Variants in TPST1 observed in about 807,000 individuals in gnomAD.
TPST1 encodes the protein tyrosylprotein sulfotransferase 1, also known as protein-tyrosine sulfotransferase 1.
Under a neutral mutation model 34.8 loss-of-function variants are expected in TPST1, and 20 were observed. The observed-to-expected ratio is 0.57, with a 90% CI of 0.40 to 0.84. The LOEUF is 0.84. Ranked by LOEUF, TPST1 falls within the 40% of genes least tolerant of loss-of-function variation. The probability of loss-of-function intolerance (pLI) is 0.00; values close to 1 mark genes in which losing one functional copy is unlikely to be tolerated. For synonymous variants in TPST1, 152 were observed against 159.4 expected (o/e 0.95, Z 0.35); for missense variants, 353 against 455.5 (o/e 0.78, Z 2.05).
intron 3 of TPST1, among the ~76,000 whole-genome samples, chr7:66,325,491 C>T (rs1159718767): frequency 6.6e-6 from 1 of 151,446 alleles, no homozygotes; most frequent in African/African-American, 2.4e-5. Flanking sequence ...TTTAAGTTTC[C>T]CCCCTCCCCC....
chr7:66,302,670 AG>A (rs1791341996), intron 3 of TPST1, among the ~76,000 whole-genome samples: 1 of 152,184 alleles, frequency 6.6e-6, no homozygotes, highest in South Asian at 2.1e-4. Flanking sequence ...AGCTAGAAAC[AG>A]GCTTTTGTTT....
chr7:66,329,571 A>G (rs1395506154), intron 3 of TPST1, among the ~76,000 whole-genome samples: 1 of 152,214 alleles, frequency 6.6e-6, no homozygotes, highest in Non-Finnish European at 1.5e-5. Context: ...TGAGGGCTAT[A>G]TGACTGGCGT....
chr7:66,348,044 C>T (rs1792391285), intron 3 of TPST1, among the ~76,000 whole-genome samples: 2 of 152,192 alleles, frequency 1.3e-5, no homozygotes, highest in South Asian at 4.1e-4. Flanking sequence ...CCTATGGTAA[C>T]TCCATGTTTC....
intron 1 of TPST1, among the ~76,000 whole-genome samples, chr7:66,215,940 T>G (rs1057472289): frequency 6.6e-6 from 1 of 151,446 alleles, no homozygotes; most frequent in Non-Finnish European, 1.5e-5. Context: ...GGCTGGCTAA[T>G]TTTTGTATTT....
intron 1 of TPST1, among the ~76,000 whole-genome samples, chr7:66,211,847 T>G (rs1308401097): frequency 6.6e-6 from 1 of 152,132 alleles, no homozygotes; most frequent in East Asian, 1.9e-4. Context: ...GTGCCTGTAG[T>G]CCCAGCTACT....
At position 66,346,286 on chromosome 7, in the gene TPST1, C is replaced by T. The variant is rs564655069; in HGVS notation, c.1045-6219C>T. ...CTATTGTGAATAGTGCTGCAGCAAA[C>T]GTGAGAATGCAGATATCTCCTTGAT... On this transcript the variant is annotated intron_variant, in intron 3 of 5. Transcript: ENST00000304842. Among the ~76,000 whole-genome samples, 6 of 152,120 alleles carry T rather than the reference C, an allele frequency of 3.9e-5. No individual in the cohort carries two copies. In the East Asian group the frequency reaches 9.6e-4, roughly 24 times the overall value.
At chr7:66,330,470 T>C (rs1034041393) in intron 3 of TPST1, among the ~76,000 whole-genome samples, 1 of 152,322 alleles carries the variant, frequency 6.6e-6, no homozygotes, top group East Asian at 1.9e-4. Context: ...CATCTTATTG[T>C]AAACACCAAG....
At chr7:66,336,910 C>T (rs1792132912) in intron 3 of TPST1, among the ~76,000 whole-genome samples, 1 of 152,170 alleles carries the variant, frequency 6.6e-6, no homozygotes, top group Non-Finnish European at 1.5e-5. Flanking sequence ...GCAGATATCC[C>T]AGCAGAAACC....
At chr7:66,255,891 C>A (rs1790373684) in intron 2 of TPST1, among the ~76,000 whole-genome samples, 1 of 151,948 alleles carries the variant, frequency 6.6e-6, no homozygotes, top group African/African-American at 2.4e-5. Context: ...ATTCATGAAG[C>A]AGTACAGTTT....
intron 1 of TPST1, among the ~76,000 whole-genome samples, chr7:66,230,610 G>A (rs1027446950): frequency 6.6e-6 from 1 of 152,180 alleles, no homozygotes; most frequent in Non-Finnish European, 1.5e-5. Context: ...GGCTTCAGGA[G>A]TGAAGCTGCA....
chr7:66,206,637 G>A (rs1789136092), intron 1 of TPST1, among the ~76,000 whole-genome samples: 1 of 152,178 alleles, frequency 6.6e-6, no homozygotes, highest in Non-Finnish European at 1.5e-5. Flanking sequence ...GCTTTGCGGT[G>A]TAATTACTCC....
chr7:66,265,014 G>A (rs779881058), intron 2 of TPST1, among the ~76,000 whole-genome samples: 7 of 152,162 alleles, frequency 4.6e-5, no homozygotes, highest in Non-Finnish European at 8.8e-5. Context: ...AGATAGACAA[G>A]CATGGTAACT....
chr7:66,303,244 A>T (rs1289626701), intron 3 of TPST1, among the ~76,000 whole-genome samples: 1 of 151,706 alleles, frequency 6.6e-6, no homozygotes, highest in Non-Finnish European at 1.5e-5. Context: ...TTGTTTAGTT[A>T]AAGTAACAAC....
chr7:66,240,983 C>T lies in TPST1; in HGVS notation c.558C>T (p.Gly186=), dbSNP rs1790021349. ...AATTTCTCCTGATGGTCCGAGATGG[C>T]CGGGCATCAGTACATTCAATGATTT... ...NAKFLLMVRD[G]RASVHSMISR... Residue 186 remains glycine, a synonymous_variant, in exon 2 of 6, where the codon GGC becomes GGT. Transcript: ENST00000304842. 1 of 1,614,206 alleles carries T rather than the reference C, an allele frequency of 6.2e-7. No individual in the cohort carries two copies. The highest frequency in any genetic ancestry group is 8.5e-7 in the Non-Finnish European group (1 of 1,180,046).
chr7:66,311,605 A>G (rs899052472), intron 3 of TPST1, among the ~76,000 whole-genome samples: 3 of 152,218 alleles, frequency 2.0e-5, no homozygotes, highest in Admixed American at 6.5e-5. Flanking sequence ...ATTACTAAAC[A>G]GTTGCTTTTT....
chr7:66,284,101 A>G (rs1189828459), intron 2 of TPST1, among the ~76,000 whole-genome samples: 3 of 152,198 alleles, frequency 2.0e-5, no homozygotes, highest in Non-Finnish European at 4.4e-5. Flanking sequence ...CGGCTCTTGT[A>G]AACTCAGTGG....
intron 5 of TPST1, among the ~76,000 whole-genome samples, chr7:66,357,676 C>A (rs1005927695): frequency 6.6e-6 from 1 of 152,198 alleles, no homozygotes; most frequent in African/African-American, 2.4e-5. Context: ...AGAGTTCATA[C>A]CCTTGTCCCA....
At chr7:66,231,294 T>C (rs1055176552) in intron 1 of TPST1, among the ~76,000 whole-genome samples, 1 of 152,234 alleles carries the variant, frequency 6.6e-6, no homozygotes, top group Non-Finnish European at 1.5e-5. Context: ...CCAGCTGGCT[T>C]CGCCCAGTGG....
chr7:66,343,962 T>C (rs1792291199), intron 3 of TPST1, among the ~76,000 whole-genome samples: 1 of 151,912 alleles, frequency 6.6e-6, no homozygotes, highest in African/African-American at 2.4e-5. Context: ...AAATAAGCAA[T>C]ACTATAACAG....
Sources: allele counts gnomAD v4.1 joint callset (sites outside exome capture counted in the v4.1 genomes callset), GRCh38; gene constraint gnomAD v4.1.1; transcripts MANE v1.5; gene names NCBI Gene and HGNC (gene_info 2026-07-23, HGNC 2026-07-21).